The following MAGI1 variants were observed in gnomAD, a reference collection of about 807,000 sequenced individuals.
The protein encoded by MAGI1 is membrane-associated guanylate kinase, WW and PDZ domain-containing protein 1.
In MAGI1, 58 loss-of-function variants were observed where a neutral mutation model predicts 139.9. The ratio of observed to expected loss-of-function variants is 0.41; its 90% CI spans 0.34 to 0.52. MAGI1 has a LOEUF of 0.52. Among genes scored for constraint, MAGI1 ranks in the 20% least tolerant of loss-of-function variants. The probability of loss-of-function intolerance (pLI) is 0.12; values close to 1 mark genes in which losing one functional copy is unlikely to be tolerated. For missense variants in MAGI1, 1,874 were observed against 1,901.6 expected (o/e 0.99, Z 0.27); for synonymous variants, 812 against 737.9 (o/e 1.10, Z -1.63).
intron 2 of MAGI1, chr3:65,597,893 G>C (rs941202993): frequency 1.1e-5 from 5 of 447,968 alleles, no homozygotes; most frequent in Non-Finnish European, 1.3e-5. Context: ...GCTGGTCCTT[G>C]GCTCTGCAGC....
chr3:65,847,818 G>A (rs565901121), intron 1 of MAGI1, among the ~76,000 whole-genome samples: 1 of 152,300 alleles, frequency 6.6e-6, no homozygotes, highest in Non-Finnish European at 1.5e-5. Context: ...GGACACTGAA[G>A]CTCAGCCTAA....
intron 2 of MAGI1, among the ~76,000 whole-genome samples, chr3:65,505,663 A>ATAATAG (rs967812540): frequency 1.3e-5 from 2 of 149,934 alleles, no homozygotes; most frequent in African/African-American, 4.9e-5. Flanking sequence ...AATAATAATA[A>ATAATAG]TAATAGGGAA....
At chr3:65,360,086 C>T (rs1940658113) in intron 22 of MAGI1, 1 of 985,224 alleles carries the variant, frequency 1.0e-6, no homozygotes, top group South Asian at 4.7e-5. Flanking sequence ...GTATTTTGCA[C>T]CTGTACAAAT....
intron 1 of MAGI1, among the ~76,000 whole-genome samples, chr3:65,783,846 G>A (rs1220731219): frequency 6.6e-6 from 1 of 151,818 alleles, no homozygotes; most frequent in Non-Finnish European, 1.5e-5. Context: ...GTGCAGGCCA[G>A]GTGTGGTGGC....
intron 1 of MAGI1, among the ~76,000 whole-genome samples, chr3:65,816,657 C>T (rs1008585100): frequency 2.0e-5 from 3 of 149,768 alleles, no homozygotes; most frequent in African/African-American, 7.3e-5. Flanking sequence ...AAAAAAAGAT[C>T]AATGCCATGG....
chr3:65,431,243 T>C (rs943715890), intron 10 of MAGI1, among the ~76,000 whole-genome samples: 4 of 152,334 alleles, frequency 2.6e-5, no homozygotes, highest in East Asian at 1.9e-4. Flanking sequence ...TTTATGTCTT[T>C]TGTTTTGTTT....
chr3:65,776,071 A>G lies in MAGI1; in HGVS notation c.314-153983T>C, dbSNP rs1255154115. ...AGTGTGCCCCAAATCTAGTCAAATA[A>G]ATTACTATAAGAATTTTTTGTTGTC... is the stretch of plus-strand genomic sequence containing the variant. On this transcript the variant is annotated intron_variant, in intron 1 of 22. Coordinates refer to ENST00000402939, the MANE Select transcript of MAGI1 (RefSeq NM_001033057.2). Among the ~76,000 whole-genome samples the G allele has an allele frequency of 4.6e-5, 7 of 152,142 alleles. No individual in the cohort carries two copies. The East Asian group carries it at 1.3e-3, about 29-fold the overall frequency.
chr3:65,982,628 A>C (rs552003458), intron 1 of MAGI1, among the ~76,000 whole-genome samples: 1 of 152,354 alleles, frequency 6.6e-6, no homozygotes, highest in East Asian at 1.9e-4. Flanking sequence ...TTATGGTCTC[A>C]TAAAAAATAT....
intron 1 of MAGI1, among the ~76,000 whole-genome samples, chr3:65,720,782 CTCTGTTGCCCAGGCT>C (rs1190131847): frequency 6.6e-6 from 1 of 152,028 alleles, no homozygotes; most frequent in Admixed American, 6.5e-5. Flanking sequence ...CCGGGTCTCC[CTCTGTTGCCCAGGCT>C]GGAGTGTAGT....
intron 2 of MAGI1, chr3:65,597,859 G>T (rs535516658): frequency 4.4e-6 from 2 of 453,346 alleles, no homozygotes; most frequent in African/African-American, 4.0e-5. Flanking sequence ...TTCCCTTTGT[G>T]AGCCTGAAAC....
chr3:65,716,674 G>A (rs2032288289), intron 1 of MAGI1, among the ~76,000 whole-genome samples: 1 of 152,168 alleles, frequency 6.6e-6, no homozygotes, highest in Admixed American at 6.5e-5. Context: ...TCTTGTGGTA[G>A]TTTCTAATAA....
chr3:65,993,935 A>G (rs1161729495), intron 1 of MAGI1, among the ~76,000 whole-genome samples: 2 of 152,132 alleles, frequency 1.3e-5, no homozygotes, highest in Admixed American at 6.5e-5. Flanking sequence ...GAAGTTTACC[A>G]TCTCCTAAAT....
intron 12 of MAGI1, among the ~76,000 whole-genome samples, chr3:65,413,913 G>A (rs1452092323): frequency 6.6e-6 from 1 of 152,194 alleles, no homozygotes; most frequent in African/African-American, 2.4e-5. Flanking sequence ...GGAACAAGAT[G>A]TGTAACAAAG....
chr3:65,413,258 T>C (rs759609599), intron 12 of MAGI1, among the ~76,000 whole-genome samples: 62 of 152,208 alleles, frequency 4.1e-4, no homozygotes, highest in Non-Finnish European at 6.6e-4. Flanking sequence ...ATTAGCTTTA[T>C]TCCCAAACTG....
chr3:65,713,156 G>C (rs538838696), intron 1 of MAGI1, among the ~76,000 whole-genome samples: 70 of 152,284 alleles, frequency 4.6e-4, no homozygotes, highest in African/African-American at 1.7e-3. Context: ...GGCATTTGCA[G>C]CAGGCCCTGC....
At chr3:65,703,141 T>C (rs1258753717) in intron 1 of MAGI1, among the ~76,000 whole-genome samples, 1 of 152,138 alleles carries the variant, frequency 6.6e-6, no homozygotes, top group Non-Finnish European at 1.5e-5. Flanking sequence ...CTCTACTGTT[T>C]TGGCAGGGGG....
chr3:65,463,424 A>C (rs1949949325), intron 5 of MAGI1, among the ~76,000 whole-genome samples: 2 of 152,136 alleles, frequency 1.3e-5, no homozygotes, highest in Non-Finnish European at 2.9e-5. Flanking sequence ...GCATATGTTG[A>C]ACCAGCCTTG....
intron 12 of MAGI1, among the ~76,000 whole-genome samples, chr3:65,412,826 C>A (rs564289310): frequency 6.6e-6 from 1 of 152,238 alleles, no homozygotes; most frequent in Admixed American, 6.5e-5. Flanking sequence ...TTCCGCTGTG[C>A]CACCTGGTGT....
chr3:65,850,978 G>A (rs560847612), intron 1 of MAGI1, among the ~76,000 whole-genome samples: 1 of 152,192 alleles, frequency 6.6e-6, no homozygotes, highest in Admixed American at 6.5e-5. Context: ...AGGGTGGCAG[G>A]TGCCTGTAAT....
Sources: allele counts gnomAD v4.1 joint callset (sites outside exome capture counted in the v4.1 genomes callset), GRCh38; gene constraint gnomAD v4.1.1; transcripts MANE v1.5; gene names NCBI Gene and HGNC (gene_info 2026-07-23, HGNC 2026-07-21).